Variants in DOCK2 observed in about 807,000 individuals in gnomAD.
DOCK2 encodes dedicator of cytokinesis 2, also known as dedicator of cytokinesis protein 2.
DOCK2 carries 87 observed loss-of-function variants against 248.9 expected under a neutral mutation model. The ratio of observed to expected loss-of-function variants is 0.35; its 90% CI spans 0.29 to 0.42. The LOEUF (loss-of-function observed/expected upper bound fraction) is 0.42. Among genes scored for constraint, DOCK2 ranks in the 10% least tolerant of loss-of-function variants. The pLI, the probability that DOCK2 is intolerant of heterozygous loss-of-function variation, is 1.00. For synonymous variants in DOCK2, 805 were observed against 821.6 expected, an observed-to-expected ratio of 0.98 and a Z score of 0.35; for missense variants, 1,747 against 2,300.2, an observed-to-expected ratio of 0.76 and a Z score of 4.92.
chr5:170,017,559 A>C (rs900426851), intron 32 of DOCK2, among the ~76,000 whole-genome samples: 2 of 152,220 alleles, frequency 1.3e-5, no homozygotes, highest in African/African-American at 4.8e-5. Flanking sequence ...GATAATATTA[A>C]TAGCTAATGC....
At chr5:169,667,739 A>C (rs1041120121) in intron 2 of DOCK2, among the ~76,000 whole-genome samples, 5 of 152,244 alleles carry the variant, frequency 3.3e-5, no homozygotes, top group African/African-American at 1.2e-4. Flanking sequence ...TGTAAAGATT[A>C]ATTTACAATA....
At chr5:169,952,631 G>A (rs1776706523) in intron 27 of DOCK2, among the ~76,000 whole-genome samples, 1 of 152,132 alleles carries the variant, frequency 6.6e-6, no homozygotes, top group South Asian at 2.1e-4. Context: ...TCCCTGCTAA[G>A]AGCTCTGGAA....
chr5:170,056,113 T>A (rs910980393), intron 42 of DOCK2, among the ~76,000 whole-genome samples: 11 of 152,180 alleles, frequency 7.2e-5, no homozygotes, highest in African/African-American at 2.7e-4. Flanking sequence ...AGGCAGCCCC[T>A]CCCAGCAGCC....
intron 14 of DOCK2, among the ~76,000 whole-genome samples, chr5:169,705,140 C>T (rs559824505): frequency 6.6e-6 from 1 of 152,148 alleles, no homozygotes; most frequent in South Asian, 2.1e-4. Flanking sequence ...TCCAGCCTGG[C>T]CGACAAAGTG....
At chr5:169,810,298 A>G (rs943925346) in intron 26 of DOCK2, among the ~76,000 whole-genome samples, 26 of 151,390 alleles carry the variant, frequency 1.7e-4, no homozygotes, top group African/African-American at 6.1e-4. Flanking sequence ...AATTAATCAC[A>G]CTCCTGAGTT....
chr5:169,977,821 A>G (rs1367492676), intron 27 of DOCK2, among the ~76,000 whole-genome samples: 1 of 152,188 alleles, frequency 6.6e-6, no homozygotes, highest in Non-Finnish European at 1.5e-5. Context: ...CTCTAAAATG[A>G]ATAGGTTTTA....
At chr5:169,895,881 G>A (rs1243677858) in intron 27 of DOCK2, among the ~76,000 whole-genome samples, 2 of 152,198 alleles carry the variant, frequency 1.3e-5, no homozygotes, top group Non-Finnish European at 2.9e-5. Context: ...GAATCAGCCA[G>A]CAGACCTCTT....
intron 17 of DOCK2, among the ~76,000 whole-genome samples, chr5:169,713,323 T>C (rs1203898622): frequency 2.0e-5 from 3 of 152,214 alleles, no homozygotes; most frequent in Non-Finnish European, 4.4e-5. Context: ...ATGTTTGTTA[T>C]GAGGCTTAAA....
chr5:170,013,703 T>A (rs112646572), intron 32 of DOCK2, among the ~76,000 whole-genome samples: 2,052 of 152,232 alleles, frequency 0.013, 53 homozygotes, highest in African/African-American at 0.047. Flanking sequence ...AGGCTTCTGA[T>A]CTCCAGAAGT....
At chr5:169,913,433 A>G (rs1193120214) in intron 27 of DOCK2, among the ~76,000 whole-genome samples, 2 of 152,204 alleles carry the variant, frequency 1.3e-5, no homozygotes, top group African/African-American at 4.8e-5. Context: ...GAATAGAACA[A>G]GCTCATTGCC....
intron 23 of DOCK2, among the ~76,000 whole-genome samples, chr5:169,754,135 G>A (rs560641047): frequency 6.6e-6 from 1 of 152,240 alleles, no homozygotes; most frequent in Admixed American, 6.5e-5. Context: ...GAGAGAGAGA[G>A]AAAGAGTGAA....
chr5:169,696,588 G>A (rs749561602), intron 10 of DOCK2, among the ~76,000 whole-genome samples: 1 of 152,078 alleles, frequency 6.6e-6, no homozygotes, highest in Non-Finnish European at 1.5e-5. Flanking sequence ...TTCATCAAAG[G>A]CGATTTAAAT....
At chr5:169,705,119 A>G (rs962421162) in intron 14 of DOCK2, among the ~76,000 whole-genome samples, 1 of 151,148 alleles carries the variant, frequency 6.6e-6, no homozygotes, top group Non-Finnish European at 1.5e-5. Context: ...CTGAGATCGC[A>G]CCCCAGCCAC....
chr5:169,644,228 T>G (rs1757321227), intron 1 of DOCK2, among the ~76,000 whole-genome samples: 1 of 152,132 alleles, frequency 6.6e-6, no homozygotes, highest in African/African-American at 2.4e-5. Flanking sequence ...GGACGACCTG[T>G]CTTAAGTTTT....
At chr5:170,056,165 TCTTAAC>T (rs1196939914) in intron 42 of DOCK2, among the ~76,000 whole-genome samples, 3 of 152,100 alleles carry the variant, frequency 2.0e-5, no homozygotes, top group African/African-American at 7.2e-5. Flanking sequence ...TCAGCTTGGG[TCTTAAC>T]CTCCCCTCAC....
In DOCK2 at chr5:169,714,257, CGT is replaced by C. The variant is rs777329975; in HGVS notation, c.1843+55_1843+56del. ...TGTGTCTGTGGGGAGTGTGTGTGTC[CGT>C]GTGTGTGTACATGTGTGTATGTGCT... is the stretch of plus-strand genomic sequence containing the variant. On this transcript the variant is annotated intron_variant, in intron 18 of 51. Coordinates refer to ENST00000520908, the MANE Select transcript of DOCK2 (RefSeq NM_004946.3). 67 of 1,600,084 alleles carry C rather than the reference CGT, an allele frequency of 4.2e-5. 1 individual carries two copies. The highest frequency in any genetic ancestry group is 5.5e-5 in the Non-Finnish European group (64 of 1,171,262).
At chr5:169,697,914 T>C (rs1008457242) in intron 10 of DOCK2, among the ~76,000 whole-genome samples, 1 of 152,180 alleles carries the variant, frequency 6.6e-6, no homozygotes, top group Non-Finnish European at 1.5e-5. Context: ...ATTTGAGGAT[T>C]CTTCAGTTAT....
chr5:169,700,389 T>C lies in DOCK2; in HGVS notation c.1258+250T>C, dbSNP rs9313470. 5.1e-3 allele frequency among the ~76,000 whole-genome samples: 781 copies of C among 152,334 alleles called. 9 individuals are homozygous for C. The highest frequency in any genetic ancestry group is 0.018 in the African/African-American group (755 of 41,572). ...CAAATGGGGTCATATTTTATATTCC[T>C]TTACTTAATATACTTTATATAGTAT... is the stretch of plus-strand genomic sequence containing the variant. On this transcript the variant is annotated intron_variant, in intron 13 of 51. Coordinates refer to ENST00000520908, the MANE Select transcript of DOCK2 (RefSeq NM_004946.3).
intron 25 of DOCK2, among the ~76,000 whole-genome samples, chr5:169,782,636 C>T (rs1765775606): frequency 6.6e-6 from 1 of 151,832 alleles, no homozygotes. Context: ...ACACAGAGAG[C>T]AGGACTACCT....
Sources: gnomAD v4.1 joint callset for allele counts (sites outside exome capture counted in the v4.1 genomes callset) on GRCh38, gnomAD v4.1.1 for gene constraint, MANE v1.5 for transcripts, NCBI Gene and HGNC (gene_info 2026-07-23, HGNC 2026-07-21) for gene names.